The following NEXMIF variants were observed in gnomAD, a reference collection of about 807,000 sequenced individuals.
NEXMIF encodes the protein XLMR protein related to neurite extension.
NEXMIF carries 8 observed loss-of-function variants against 62.1 expected under a neutral mutation model. The observed-to-expected ratio is 0.13, with a 90% CI of 0.08 to 0.23. The LOEUF (loss-of-function observed/expected upper bound fraction) is 0.23, where lower values mean the gene tolerates loss of function less well. Ranked by LOEUF, NEXMIF falls within the 10% of genes least tolerant of loss-of-function variation. The pLI is 1.00. For missense variants in NEXMIF, 976 were observed against 1,113.3 expected, an observed-to-expected ratio of 0.88 and a Z score of 1.75; for synonymous variants, 404 against 416.6, an observed-to-expected ratio of 0.97 and a Z score of 0.37.
chrX:74,829,154 T>C (rs1406697341), intron 1 of NEXMIF, among the ~76,000 whole-genome samples: 1 of 112,026 alleles, frequency 8.9e-6, no homozygotes, highest in Non-Finnish European at 1.9e-5. Context: ...CACATAATGG[T>C]AAATGGGGTA....
chrX:74,856,701 A>G (rs983571335), intron 1 of NEXMIF, among the ~76,000 whole-genome samples: 2 of 111,447 alleles, frequency 1.8e-5, no homozygotes, highest in African/African-American at 6.5e-5. Context: ...AAGAGCTGAA[A>G]ATCAGGTGAG....
Position 74,744,147 on chromosome X carries a change from T to A in NEXMIF, c.410A>T (p.Asp137Val). Reference sequence around the variant, plus strand: ...AGTCCGACTTGGCTGCATGAGACAGTCCCCATTCAGAGCTGACATGCCTGC... The same window carrying A: ...AGTCCGACTTGGCTGCATGAGACAGACCCCATTCAGAGCTGACATGCCTGC... ...EPAGMSALNG[D>V]CLMQPSRTCL... The change falls in exon 3 of 4, where the codon GAC becomes GTC. Residue 137 changes from aspartate (D) to valine (V), a missense_variant. Coordinates refer to ENST00000055682, the MANE Select transcript of NEXMIF (RefSeq NM_001008537.3). 8.3e-7 allele frequency: 1 copy of A among 1,211,293 alleles called. No homozygotes were observed. The highest frequency in any genetic ancestry group is 1.1e-6 in the Non-Finnish European group (1 of 895,142).
At chrX:74,841,774 A>G (rs754619094) in intron 1 of NEXMIF, among the ~76,000 whole-genome samples, 26 of 112,029 alleles carry the variant, frequency 2.3e-4, no homozygotes, top group African/African-American at 8.1e-4. Flanking sequence ...TATGTGATGA[A>G]TCACATTTTT....
intron 1 of NEXMIF, among the ~76,000 whole-genome samples, chrX:74,842,312 G>T (rs187194589): frequency 1.6e-3 from 178 of 111,176 alleles, no homozygotes; most frequent in Non-Finnish European, 3.0e-3. Flanking sequence ...TTTCTGTGGG[G>T]TCAGTAGTAA....
chrX:74,905,607 C>T (rs974388714), intron 1 of NEXMIF, among the ~76,000 whole-genome samples: 19 of 111,354 alleles, frequency 1.7e-4, no homozygotes, highest in African/African-American at 5.6e-4. Context: ...ATCAGGAGTT[C>T]GAGACCAGCC....
At chrX:74,778,763 G>T (rs1229387380) in intron 1 of NEXMIF, among the ~76,000 whole-genome samples, 1 of 111,354 alleles carries the variant, frequency 9.0e-6, no homozygotes, top group Non-Finnish European at 1.9e-5. Flanking sequence ...TGATTCTCCT[G>T]CCTCAACCTC....
rs763285089 is a variant in NEXMIF, at chrX:74,896,437, T to A, written c.-48+28446A>T. On this transcript the variant is annotated intron_variant, in intron 1 of 3. Coordinates refer to ENST00000055682, the MANE Select transcript of NEXMIF (RefSeq NM_001008537.3). Reference sequence around the variant, plus strand: ...GACTCCTTAAAGGCAGGAGGCTCTTTGGGTATGGAAACCATTCATCCCAGA... The same window carrying A: ...GACTCCTTAAAGGCAGGAGGCTCTTAGGGTATGGAAACCATTCATCCCAGA... 2.7e-5 allele frequency among the ~76,000 whole-genome samples: 3 copies of A among 112,532 alleles called. No homozygotes were observed. The South Asian group carries it at 1.1e-3, about 42-fold the overall frequency.
chrX:74,879,703 C>T (rs770578892), intron 1 of NEXMIF, among the ~76,000 whole-genome samples: 10 of 111,756 alleles, frequency 8.9e-5, no homozygotes, highest in East Asian at 5.7e-4. Flanking sequence ...ATTTATAGGC[C>T]ACCTAATTGA....
In NEXMIF at chrX:74,740,511, C is replaced by T. The variant is rs768904356; in HGVS notation, c.4046G>A (p.Gly1349Glu). 8.3e-6 allele frequency: 10 copies of T among 1,211,161 alleles called. No homozygotes were observed. Among genetic ancestry groups the T allele is most frequent in the Non-Finnish European group, 1.1e-5 (10 of 895,178 alleles). The change falls in exon 3 of 4, where the codon GGG becomes GAG. Residue 1349 changes from glycine (G) to glutamate (E), a missense_variant. Gly to Glu is a moderately conservative substitution (Grantham distance 98). Coordinates refer to ENST00000055682, the MANE Select transcript of NEXMIF (RefSeq NM_001008537.3). Reference sequence around the variant, plus strand: ...AGGGGAGTAGAATATGTTGGGATCCCCATGGTGCTCCATGGGTTCCCAAAG... The same window carrying T: ...AGGGGAGTAGAATATGTTGGGATCCTCATGGTGCTCCATGGGTTCCCAAAG... ...EPLWEPMEHH[G>E]DPNIFYSPES...
chrX:74,861,661 A>G (rs2080557992), intron 1 of NEXMIF, among the ~76,000 whole-genome samples: 2 of 111,980 alleles, frequency 1.8e-5, no homozygotes, highest in Non-Finnish European at 3.8e-5. Flanking sequence ...CAGAAACCCT[A>G]CAAGCCAGAA....
chrX:74,762,355 A>G (rs2080179439), intron 1 of NEXMIF, among the ~76,000 whole-genome samples: 2 of 111,001 alleles, frequency 1.8e-5, no homozygotes, highest in African/African-American at 3.3e-5. Context: ...TCTTAATCCA[A>G]TCTATCATTG....
intron 1 of NEXMIF, among the ~76,000 whole-genome samples, chrX:74,856,315 C>A (rs1212765647): frequency 9.0e-6 from 1 of 111,632 alleles, no homozygotes; most frequent in Non-Finnish European, 1.9e-5. Context: ...GATGACTGCA[C>A]ATTTCAGCAG....
chrX:74,751,699 T>C (rs1325375857), intron 1 of NEXMIF, among the ~76,000 whole-genome samples: 2 of 83,164 alleles, frequency 2.4e-5, no homozygotes, highest in Non-Finnish European at 4.6e-5. Flanking sequence ...CTTTTCTTCC[T>C]TCCTTCCTTC....
chrX:74,899,961 AAT>A (rs751198443), intron 1 of NEXMIF, among the ~76,000 whole-genome samples: 3 of 112,135 alleles, frequency 2.7e-5, no homozygotes, highest in Non-Finnish European at 3.8e-5. Flanking sequence ...TAATATCTAG[AAT>A]ATATAAAGAG....
intron 1 of NEXMIF, among the ~76,000 whole-genome samples, chrX:74,835,968 G>A (rs1315820301): frequency 8.9e-6 from 1 of 112,367 alleles, no homozygotes; most frequent in Non-Finnish European, 1.9e-5. Flanking sequence ...TAGATAAGTG[G>A]CTAAGCTGGT....
At chrX:74,750,915 T>C (rs2080140101) in intron 1 of NEXMIF, among the ~76,000 whole-genome samples, 1 of 111,451 alleles carries the variant, frequency 9.0e-6, no homozygotes, top group African/African-American at 3.3e-5. Flanking sequence ...ATTAAATATT[T>C]CCTCTCTCAT....
At chrX:74,776,794 G>A (rs1384978518) in intron 1 of NEXMIF, among the ~76,000 whole-genome samples, 6 of 108,086 alleles carry the variant, frequency 5.6e-5, no homozygotes, top group Non-Finnish European at 7.6e-5. Context: ...TGAATGAGTC[G>A]ACTTTTCAAG....
rs757801754 is a variant in NEXMIF at position 74,884,089 on chromosome X, C to A, written c.-48+40794G>T. 3.6e-5 allele frequency among the ~76,000 whole-genome samples: 4 copies of A among 111,774 alleles called. No individual in the cohort carries two copies. In the East Asian group the frequency reaches 1.1e-3, roughly 31 times the overall value. On this transcript the variant is annotated intron_variant, in intron 1 of 3. Coordinates refer to ENST00000055682, the MANE Select transcript of NEXMIF (RefSeq NM_001008537.3). Reference sequence around the variant, plus strand: ...AGAAATAAAATTCTTTACAGACAAGCAAATGCTGAGAGATTTTGTAACCAC... The same window carrying A: ...AGAAATAAAATTCTTTACAGACAAGAAAATGCTGAGAGATTTTGTAACCAC...
At chrX:74,751,481 T>C (rs2080142109) in intron 1 of NEXMIF, among the ~76,000 whole-genome samples, 1 of 109,647 alleles carries the variant, frequency 9.1e-6, no homozygotes, top group Non-Finnish European at 1.9e-5. Context: ...TTCTTCTCTC[T>C]GTCTCTCTCT....
Sources: gnomAD v4.1 joint callset for allele counts (sites outside exome capture counted in the v4.1 genomes callset) on GRCh38, gnomAD v4.1.1 for gene constraint, MANE v1.5 for transcripts, NCBI Gene and HGNC (gene_info 2026-07-23, HGNC 2026-07-21) for gene names.